The following KHDRBS2 variants were observed in gnomAD, a reference collection of about 807,000 sequenced individuals.
The protein encoded by KHDRBS2 is KH RNA binding domain containing, signal transduction associated 2.
Under a neutral mutation model 44.3 loss-of-function variants are expected in KHDRBS2, and 26 were observed. That is an observed-to-expected ratio of 0.59 (90% CI 0.43 to 0.81). KHDRBS2 has a LOEUF of 0.81. Ranked by LOEUF, KHDRBS2 falls within the 40% of genes least tolerant of loss-of-function variation. The pLI, the probability that KHDRBS2 is intolerant of heterozygous loss-of-function variation, is 0.00. For synonymous variants in KHDRBS2, 194 were observed against 151.1 expected (o/e 1.28, Z -2.08); for missense variants, 476 against 433.1 (o/e 1.10, Z -0.88).
At chr6:61,632,751 G>A in the KHDRBS2 span, among the ~76,000 whole-genome samples, 1 of 151,982 alleles carries the variant, frequency 6.6e-6, no homozygotes, top group African/African-American at 2.4e-5. Flanking sequence ...TCTCAGGGGT[G>A]GTTCACCTCA....
intron 7 of KHDRBS2, among the ~76,000 whole-genome samples, chr6:61,706,954 A>AAAAC (rs1769679741): frequency 6.8e-6 from 1 of 146,478 alleles, no homozygotes; most frequent in African/African-American, 2.6e-5. Context: ...AAACAAAAAC[A>AAAAC]AAAACAAAAC....
chr6:62,073,368 C>T (rs1795634137), intron 2 of KHDRBS2, among the ~76,000 whole-genome samples: 1 of 151,522 alleles, frequency 6.6e-6, no homozygotes. Context: ...AATATTCTTT[C>T]ATAAACCTTT....
chr6:61,607,304 A>T, the KHDRBS2 span, among the ~76,000 whole-genome samples: 1,810 of 151,816 alleles, frequency 0.012, 35 homozygotes, highest in African/African-American at 0.042. Flanking sequence ...AATATAATAC[A>T]TAACATGCTA....
intron 2 of KHDRBS2, among the ~76,000 whole-genome samples, chr6:62,159,182 C>T (rs779440818): frequency 2.0e-4 from 30 of 152,002 alleles, no homozygotes; most frequent in Non-Finnish European, 3.7e-4. Flanking sequence ...AATAATGAAA[C>T]CATAATATTC....
At chr6:62,209,739 T>C (rs750251173) in intron 1 of KHDRBS2, among the ~76,000 whole-genome samples, 1 of 152,168 alleles carries the variant, frequency 6.6e-6, no homozygotes, top group African/African-American at 2.4e-5. Flanking sequence ...TACAATAAAG[T>C]AGGCAGAAGA....
chr6:62,217,988 C>T (rs923715691), intron 1 of KHDRBS2, among the ~76,000 whole-genome samples: 7 of 151,754 alleles, frequency 4.6e-5, no homozygotes, highest in African/African-American at 1.4e-4. Context: ...AGGAATCACT[C>T]GGCCAAGGTC....
At chr6:62,126,310 G>A (rs1401756810) in intron 2 of KHDRBS2, among the ~76,000 whole-genome samples, 1 of 152,170 alleles carries the variant, frequency 6.6e-6, no homozygotes, top group Non-Finnish European at 1.5e-5. Flanking sequence ...TGTGTCTTGG[G>A]TGCCAATACA....
At chr6:61,841,811 A>T (rs746977659) in intron 6 of KHDRBS2, among the ~76,000 whole-genome samples, 24 of 151,986 alleles carry the variant, frequency 1.6e-4, no homozygotes, top group Non-Finnish European at 3.1e-4. Context: ...CATCCCTTAA[A>T]GAGTTTTTTT....
intron 4 of KHDRBS2, among the ~76,000 whole-genome samples, chr6:61,971,786 G>A (rs557968762): frequency 6.6e-6 from 1 of 152,100 alleles, no homozygotes; most frequent in Non-Finnish European, 1.5e-5. Flanking sequence ...CTGCTCTATT[G>A]TTGCCACCAT....
At chr6:61,743,771 T>TCCC (rs528609380) in intron 6 of KHDRBS2, among the ~76,000 whole-genome samples, 10 of 125,072 alleles carry the variant, frequency 8.0e-5, no homozygotes, top group Non-Finnish European at 1.0e-4. Context: ...CTTAATGCTA[T>TCCC]CCCCCCCCTC....
intron 4 of KHDRBS2, among the ~76,000 whole-genome samples, chr6:61,930,546 G>GGGT (rs1809838231): frequency 2.1e-5 from 1 of 47,578 alleles, no homozygotes; most frequent in Non-Finnish European, 4.3e-5. Flanking sequence ...AAAAAAAAAA[G>GGGT]AAAAAAAAAA....
At chr6:62,060,103 T>C (rs1306912286) in intron 2 of KHDRBS2, among the ~76,000 whole-genome samples, 2 of 151,764 alleles carry the variant, frequency 1.3e-5, no homozygotes, top group Non-Finnish European at 2.9e-5. Flanking sequence ...ATGGGGACTT[T>C]CCTGGCAGAA....
chr6:61,725,308 A>C (rs545344678), intron 7 of KHDRBS2, among the ~76,000 whole-genome samples: 1 of 152,304 alleles, frequency 6.6e-6, no homozygotes, highest in African/African-American at 2.4e-5. Context: ...GTTAAGAGGG[A>C]AATTTATAGT....
At chr6:62,073,722 T>C (rs1795765080) in intron 2 of KHDRBS2, among the ~76,000 whole-genome samples, 1 of 151,686 alleles carries the variant, frequency 6.6e-6, no homozygotes, top group African/African-American at 2.4e-5. Flanking sequence ...TTGGCTACTA[T>C]TTCCTGTTTC....
At chr6:62,072,360 C>T (rs1378401840) in intron 2 of KHDRBS2, among the ~76,000 whole-genome samples, 1 of 152,142 alleles carries the variant, frequency 6.6e-6, no homozygotes, top group African/African-American at 2.4e-5. Flanking sequence ...ATTGCCCTGG[C>T]CAGAACTTCC....
At chr6:61,582,609 C>CT in the KHDRBS2 span, among the ~76,000 whole-genome samples, 4 of 151,578 alleles carry the variant, frequency 2.6e-5, no homozygotes, top group Non-Finnish European at 5.9e-5. Context: ...AAAACAGCTT[C>CT]TTTTTACAAT....
At chr6:61,631,092 G>C in the KHDRBS2 span, among the ~76,000 whole-genome samples, 29,467 of 151,670 alleles carry the variant, frequency 0.19, 3,332 homozygotes, top group South Asian at 0.33. Flanking sequence ...AGAGGGAAAG[G>C]CAGCCATTTA....
chr6:62,184,402 C>T (rs1401045447), intron 1 of KHDRBS2, among the ~76,000 whole-genome samples: 1 of 151,652 alleles, frequency 6.6e-6, no homozygotes, highest in African/African-American at 2.4e-5. Flanking sequence ...CGAATATCTG[C>T]ATTATAACCC....
chr6:62,247,413 ATTAT>A (rs1835771952), intron 1 of KHDRBS2, among the ~76,000 whole-genome samples: 1 of 151,986 alleles, frequency 6.6e-6, no homozygotes, highest in Non-Finnish European at 1.5e-5. Flanking sequence ...TGTATCTCAT[ATTAT>A]TTAACACAAA....
Sources: allele counts gnomAD v4.1 joint callset (sites outside exome capture counted in the v4.1 genomes callset), GRCh38; gene constraint gnomAD v4.1.1; transcripts MANE v1.5; gene names NCBI Gene and HGNC (gene_info 2026-07-23, HGNC 2026-07-21).